The following ECE1 variants were observed in gnomAD, a reference collection of about 807,000 sequenced individuals.
ECE1 encodes the protein endothelin converting enzyme 1.
ECE1 carries 35 observed loss-of-function variants against 98.6 expected under a neutral mutation model. That is an observed-to-expected ratio of 0.35 (90% CI 0.27 to 0.47). The LOEUF (loss-of-function observed/expected upper bound fraction) is 0.47, where lower values mean the gene tolerates loss of function less well. Ranked by LOEUF, ECE1 falls within the 20% of genes least tolerant of loss-of-function variation. ECE1 has a pLI of 1.00. For missense variants in ECE1, 814 were observed against 1,025.3 expected, an observed-to-expected ratio of 0.79 and a Z score of 2.81; for synonymous variants, 394 against 407.1, an observed-to-expected ratio of 0.97 and a Z score of 0.39.
intron 3 of ECE1, among the ~76,000 whole-genome samples, chr1:21,277,447 C>T (rs953587268): frequency 1.1e-4 from 16 of 152,344 alleles, no homozygotes; most frequent in Admixed American, 3.3e-4. Context: ...GCTGTGCAGA[C>T]GTGCTGGCCA....
rs2098162108 is a variant in ECE1, at chr1:21,217,444, GGC to G, written c.*2509_*2510del. 1 of 152,270 alleles carries G rather than the reference GGC, an allele frequency of 6.6e-6. No individual in the cohort carries two copies. Among genetic ancestry groups the G allele is most frequent in the Admixed American group, 6.5e-5 (1 of 15,284 alleles). The allele number at this position is 152,270 out of a possible 1,614,324, so 9.4% of individuals were successfully genotyped here. A position where few individuals can be genotyped will look rare whatever the true frequency, so the allele number is the denominator to read the frequency against. ...TCCTTAAAGCTCTGGAGCGGGTAGT[GGC>G]AGTGGCAGGGGCTTCCACCCCTGCT... On this transcript the variant is annotated 3_prime_UTR_variant, in exon 19 of 19. Coordinates refer to ENST00000374893, the MANE Select transcript of ECE1 (RefSeq NM_001397.3).
chr1:21,238,006 C>T, intron 11 of ECE1, 128 bp downstream of exon 11: 2 of 798,724 alleles, frequency 2.5e-6, no homozygotes. Flanking sequence ...TGCATTGAGG[C>T]TGTGGCCCTA....
chr1:21,275,085 C>T lies in ECE1; in HGVS notation c.281-2174G>A, dbSNP rs752540583. Among the ~76,000 whole-genome samples, 61 of 152,262 alleles carry T rather than the reference C, an allele frequency of 4.0e-4. 1 individual carries two copies. The Middle Eastern group carries it at 0.031, about 76-fold the overall frequency. ...AAGAATACCTATTGTTTTCACACAT[C>T]GAACCACAGGAAGGAAAATTTTACA... On this transcript the variant is annotated intron_variant, in intron 3 of 18. Transcript: ENST00000374893.
chr1:21,300,715 T>C (rs213056), intron 1 of ECE1, among the ~76,000 whole-genome samples: 70,439 of 152,002 alleles, frequency 0.46, 16,713 homozygotes, highest in African/African-American at 0.58. Flanking sequence ...GGATTACAGG[T>C]GTGAGCCACC....
At chr1:21,305,625 G>A (rs996747112) in intron 1 of ECE1, among the ~76,000 whole-genome samples, 1 of 152,186 alleles carries the variant, frequency 6.6e-6, no homozygotes, top group African/African-American at 2.4e-5. Flanking sequence ...AGAACAGGAG[G>A]GAGGCAAGGG....
At chr1:21,297,530 C>CTTTTTTTT (rs768958507) in intron 1 of ECE1, among the ~76,000 whole-genome samples, 5 of 116,188 alleles carry the variant, frequency 4.3e-5, no homozygotes, top group South Asian at 2.9e-4. Flanking sequence ...TTTTCTTTTT[C>CTTTTTTTT]TTTTTTTTTT....
chr1:21,237,084 C>T (rs149563637), intron 11 of ECE1, among the ~76,000 whole-genome samples: 2 of 152,158 alleles, frequency 1.3e-5, no homozygotes, highest in East Asian at 1.9e-4. Flanking sequence ...GGATGAGCTT[C>T]GGGAAAGTTG....
chr1:21,289,516 G>C (rs543742259), intron 2 of ECE1, among the ~76,000 whole-genome samples: 2 of 152,298 alleles, frequency 1.3e-5, no homozygotes, highest in East Asian at 3.9e-4. Flanking sequence ...GGCTGGAAAA[G>C]GGGCAGGGAG....
In ECE1 at chr1:21,340,179, G is replaced by A. The variant is rs923181662; in HGVS notation, c.3+5197C>T. 3.9e-5 allele frequency among the ~76,000 whole-genome samples: 6 copies of A among 152,230 alleles called. No individual in the cohort carries two copies. Among genetic ancestry groups the A allele is most frequent in the Non-Finnish European group, 5.9e-5 (4 of 68,044 alleles). ...AGCATTTTCTACCTTATTTCAGAGC[G>A]ATCTGGGAACTTGTTCTTTCTCCTC... is the stretch of plus-strand genomic sequence containing the variant. On this transcript the variant is annotated intron_variant, in intron 1 of 18. Transcript: ENST00000415912. This position sits in a 1 kb window ranked among gnomAD's most constrained non-coding sequence, Gnocchi z 4.6.
intron 1 of ECE1, chr1:21,299,648 TC>T (rs1306434043): frequency 6.6e-6 from 1 of 152,244 alleles, no homozygotes; most frequent in Non-Finnish European, 1.5e-5. Flanking sequence ...GGAGCTAGGC[TC>T]CTTGGATTCT....
At chr1:21,232,632 G>T (rs1169599837) in intron 14 of ECE1, among the ~76,000 whole-genome samples, 1 of 151,696 alleles carries the variant, frequency 6.6e-6, no homozygotes, top group Admixed American at 6.6e-5. Context: ...CAAAGACCAG[G>T]TCTCATTCTA....
Position 21,258,804 on chromosome 1 carries a change from C to T in ECE1, c.651G>A (p.Lys217=), listed in dbSNP as rs745482125. Residue 217 remains lysine (K), a synonymous_variant, in exon 6 of 19, where the codon AAG becomes AAA. Transcript: ENST00000374893. The surrounding 1 kb of genome is among the most constrained non-coding windows in gnomAD (Gnocchi z 4.2). ...CCTGCAGGGTGTCCTGGAAGTTGTC[C>T]TTGGCCCAGGGACCTGTGATGTTCC... The part of the protein sequence containing the change: ...GGWNITGPWA[K]DNFQDTLQVV... 2.5e-6 allele frequency: 4 copies of T among 1,614,034 alleles called. No individual in the cohort carries two copies. The highest frequency in any genetic ancestry group is 1.1e-5 in the South Asian group (1 of 91,094).
chr1:21,271,501 T>C (rs1484141974), intron 4 of ECE1, among the ~76,000 whole-genome samples: 15 of 152,182 alleles, frequency 9.9e-5, no homozygotes, highest in Admixed American at 9.8e-4. Flanking sequence ...CTAGGTTCTG[T>C]TGTTGATGGA....
intron 1 of ECE1, among the ~76,000 whole-genome samples, chr1:21,334,460 C>T (rs543659708): frequency 1.3e-5 from 2 of 152,402 alleles, no homozygotes; most frequent in East Asian, 1.9e-4. Flanking sequence ...TTCCCTCCAG[C>T]GTGGCCGTGT....
In ECE1 at chr1:21,225,527, T is replaced by C; in HGVS notation, c.1850-87A>G. 1 of 1,484,304 alleles carries C rather than the reference T, an allele frequency of 6.7e-7. No individual in the cohort carries two copies. The highest frequency in any genetic ancestry group is 9.2e-7 in the Non-Finnish European group (1 of 1,091,666). 91.9% of individuals were successfully genotyped at this position (1,484,304 alleles called of 1,614,324 possible). A position where few individuals can be genotyped will look rare whatever the true frequency, so the allele number is the denominator to read the frequency against. On this transcript the variant is annotated intron_variant, in intron 16 of 18. Coordinates refer to ENST00000374893, the MANE Select transcript of ECE1 (RefSeq NM_001397.3). The surrounding 1 kb of genome is among the most constrained non-coding windows in gnomAD (Gnocchi z 5.3). ...CCTCCCTGCTCCTGGTGAGAAGCGG[T>C]TCATCCGTCCACCCCCGTCCTCCAG... is the stretch of plus-strand genomic sequence containing the variant.
intron 2 of ECE1, chr1:21,279,844 T>C (rs1400607842): frequency 2.0e-6 from 1 of 489,876 alleles, no homozygotes; most frequent in African/African-American, 2.1e-5. Context: ...GTTATTTTTC[T>C]TTTTACAAGT....
Position 21,233,774 on chromosome 1 carries a change from G to T in ECE1, c.1567-113C>A. ...GAGATTAATCTGCAGGCTGGAGACC[G>T]GAATGCAGGGCTTGGGGCTGCAGGG... is the stretch of plus-strand genomic sequence containing the variant. On this transcript the variant is annotated intron_variant, in intron 13 of 18. Coordinates refer to ENST00000374893, the MANE Select transcript of ECE1 (RefSeq NM_001397.3). This position sits in a 1 kb window ranked among gnomAD's most constrained non-coding sequence, Gnocchi z 4.0. The T allele has an allele frequency of 2.1e-6, 2 of 969,196 alleles. No homozygotes were observed. The highest frequency in any genetic ancestry group is 3.2e-6 in the Non-Finnish European group (2 of 626,158). The allele number at this position is 969,196 out of a possible 1,614,324, so 60.0% of individuals were successfully genotyped here.
rs565440906 is a variant in ECE1, at chr1:21,344,555, C to A, written c.3+821G>T. Among the ~76,000 whole-genome samples, 119 of 152,194 alleles carry A rather than the reference C, an allele frequency of 7.8e-4. 1 individual carries two copies. The highest frequency in any genetic ancestry group is 2.7e-3 in the African/African-American group (114 of 41,494). ...GGCCTTTGCTCTTGGGGTCCAGGGA[C>A]AATGCCCCTCCCAACAGCCCCCCCC... On this transcript the variant is annotated intron_variant, in intron 1 of 18. Coordinates refer to the ECE1 transcript ENST00000415912.
intron 4 of ECE1, among the ~76,000 whole-genome samples, chr1:21,270,756 AGAG>A (rs1165014214): frequency 6.6e-6 from 1 of 152,238 alleles, no homozygotes; most frequent in Non-Finnish European, 1.5e-5. Context: ...TTCAAAATTC[AGAG>A]GAGGCATGGT....
Sources: allele counts gnomAD v4.1 joint callset (sites outside exome capture counted in the v4.1 genomes callset), GRCh38; gene constraint gnomAD v4.1.1; non-coding constraint Gnocchi (gnomAD v3.1); transcripts MANE v1.5; gene names NCBI Gene and HGNC (gene_info 2026-07-23, HGNC 2026-07-21).